Variants in PAPPA observed in about 807,000 individuals in gnomAD.
PAPPA encodes pappalysin 1, also known as pappalysin-1.
A neutral mutation model predicts 164.0 loss-of-function variants in PAPPA; 60 were observed. The ratio of observed to expected loss-of-function variants is 0.37; its 90% CI spans 0.30 to 0.45. The LOEUF (loss-of-function observed/expected upper bound fraction) is 0.45. Among genes scored for constraint, PAPPA ranks in the 20% least tolerant of loss-of-function variants. The pLI is 1.00. For synonymous variants in PAPPA, 875 were observed against 814.1 expected, an observed-to-expected ratio of 1.07 and a Z score of -1.27; for missense variants, 1,782 against 2,087.3, an observed-to-expected ratio of 0.85 and a Z score of 2.85.
At chr9:116,233,618 CCTT>C (rs796411065) in intron 6 of PAPPA, among the ~76,000 whole-genome samples, 14 of 152,258 alleles carry the variant, frequency 9.2e-5, no homozygotes, top group African/African-American at 2.6e-4. Context: ...TCTCACCCCT[CCTT>C]CTCTTTTCCT....
chr9:116,216,753 A>G (rs1272499153), intron 4 of PAPPA, among the ~76,000 whole-genome samples: 1 of 151,154 alleles, frequency 6.6e-6, no homozygotes, highest in Non-Finnish European at 1.5e-5. Flanking sequence ...TTTTATTTTT[A>G]TTTTTTGAGG....
chr9:116,183,805 CTT>C, intron 1 of PAPPA, among the ~76,000 whole-genome samples: 1 of 152,172 alleles, frequency 6.6e-6, no homozygotes, highest in Non-Finnish European at 1.5e-5. Flanking sequence ...TTTCTTAACT[CTT>C]TTGCAGAATC....
chr9:116,277,503 C>T (rs1483417527), intron 9 of PAPPA, among the ~76,000 whole-genome samples: 2 of 151,982 alleles, frequency 1.3e-5, no homozygotes, highest in South Asian at 2.1e-4. Context: ...TAGCTTGTGT[C>T]GCAGTTTTTT....
chr9:116,352,646 C>T (rs901466283), intron 15 of PAPPA, 60 bp from the exon 16 acceptor site: 2 of 1,327,222 alleles, frequency 1.5e-6, no homozygotes, highest in Non-Finnish European at 2.2e-6. Context: ...AGTAGCTATA[C>T]ATTAGCTTGG....
intron 10 of PAPPA, chr9:116,316,574 A>C (rs1040625620): frequency 2.0e-5 from 3 of 152,242 alleles, no homozygotes; most frequent in Non-Finnish European, 4.4e-5. Context: ...ATATAAGTCA[A>C]CAGTGTCCAT....
At chr9:116,344,270 G>A (rs1453002438) in intron 13 of PAPPA, among the ~76,000 whole-genome samples, 1 of 152,154 alleles carries the variant, frequency 6.6e-6, no homozygotes, top group African/African-American at 2.4e-5. Context: ...TGGAAAAACT[G>A]AGGCTATTCA....
chr9:116,175,245 T>A (rs1227625478), intron 1 of PAPPA, among the ~76,000 whole-genome samples: 1 of 152,116 alleles, frequency 6.6e-6, no homozygotes, highest in Non-Finnish European at 1.5e-5. Context: ...CGCCCTCCAG[T>A]ACCAAGAGGA....
chr9:116,189,125 TA>T (rs1844012769), intron 2 of PAPPA, among the ~76,000 whole-genome samples: 10 of 152,170 alleles, frequency 6.6e-5, no homozygotes. Context: ...TGAAGGATGT[TA>T]GAACAAATCT....
At chr9:116,316,611 G>A (rs61064507) in intron 10 of PAPPA, 1 of 152,168 alleles carries the variant, frequency 6.6e-6, no homozygotes, top group Non-Finnish European at 1.5e-5. Context: ...AAAGCTCCCC[G>A]GTTTGTACAT....
chr9:116,260,176 G>A (rs1264410263), intron 7 of PAPPA, among the ~76,000 whole-genome samples: 2 of 152,108 alleles, frequency 1.3e-5, no homozygotes, highest in African/African-American at 4.8e-5. Flanking sequence ...TACAGGAGGA[G>A]CATACAGGTG....
chr9:116,299,138 A>G (rs987909080), intron 9 of PAPPA, among the ~76,000 whole-genome samples: 3 of 152,222 alleles, frequency 2.0e-5, no homozygotes, highest in Non-Finnish European at 4.4e-5. Flanking sequence ...AGCAACAGAA[A>G]CTGAATAGCT....
chr9:116,248,531 G>A (rs1844824054), intron 7 of PAPPA, among the ~76,000 whole-genome samples: 1 of 152,196 alleles, frequency 6.6e-6, no homozygotes, highest in South Asian at 2.1e-4. Context: ...TGGCCATCTA[G>A]ATCTAAAGAA....
intron 1 of PAPPA, among the ~76,000 whole-genome samples, chr9:116,173,471 C>T (rs1022317036): frequency 7.2e-5 from 11 of 152,148 alleles, no homozygotes; most frequent in Non-Finnish European, 2.9e-5. Context: ...CCCCACCCAC[C>T]CCCATGGACT....
rs915433326 is a variant in PAPPA, at chr9:116,304,455, A to G, written c.3147+1505A>G. Among the ~76,000 whole-genome samples, 4 of 152,274 alleles carry G rather than the reference A, an allele frequency of 2.6e-5. No homozygotes were observed. The South Asian group carries it at 8.3e-4, about 31-fold the overall frequency. On this transcript the variant is annotated intron_variant, in intron 10 of 21. Transcript: ENST00000328252. The stretch of plus-strand genomic sequence containing the variant: ...GGGCCAGCAAGAGAACAAGGAATCC[A>G]AATTCAACACTAGCATCCAGTTCTT...
chr9:116,388,256 C>G (rs1057177038), intron 21 of PAPPA, among the ~76,000 whole-genome samples: 1 of 152,160 alleles, frequency 6.6e-6, no homozygotes, highest in African/African-American at 2.4e-5. Context: ...CTCAGCCTCT[C>G]AGGATGTCAG....
intron 8 of PAPPA, among the ~76,000 whole-genome samples, chr9:116,270,761 G>T (rs946724313): frequency 3.4e-5 from 5 of 149,160 alleles, no homozygotes; most frequent in African/African-American, 1.2e-4. Context: ...GCAGCCCTTG[G>T]AGTTCTTGAC....
chr9:116,229,146 A>T (rs1361816395), intron 6 of PAPPA, among the ~76,000 whole-genome samples: 2 of 152,098 alleles, frequency 1.3e-5, no homozygotes, highest in African/African-American at 4.8e-5. Flanking sequence ...AGAACTGGAG[A>T]CTCAGTCTTC....
chr9:116,231,073 G>GTATATA (rs1844585243), intron 6 of PAPPA, among the ~76,000 whole-genome samples: 1 of 108,056 alleles, frequency 9.3e-6, no homozygotes, highest in Admixed American at 1.1e-4. Flanking sequence ...AACAGCTGCA[G>GTATATA]TGTATATATA....
At chr9:116,233,165 A>G (rs1248124697) in intron 6 of PAPPA, among the ~76,000 whole-genome samples, 3 of 152,262 alleles carry the variant, frequency 2.0e-5, no homozygotes, top group African/African-American at 7.2e-5. Context: ...TGAATACTCT[A>G]TGGACTAGGC....
Sources: gnomAD v4.1 joint callset for allele counts (sites outside exome capture counted in the v4.1 genomes callset) on GRCh38, gnomAD v4.1.1 for gene constraint, MANE v1.5 for transcripts, NCBI Gene and HGNC (gene_info 2026-07-23, HGNC 2026-07-21) for gene names.